TBC1D2: variants seen among roughly 807,000 people sequenced by gnomAD.
TBC1D2 encodes TBC1 domain family member 2.
Under a neutral mutation model 91.1 loss-of-function variants are expected in TBC1D2, and 58 were observed. The observed-to-expected ratio is 0.64, with a 90% CI of 0.52 to 0.79. The LOEUF is 0.79. Among genes scored for constraint, TBC1D2 ranks in the 30% least tolerant of loss-of-function variants. The probability of loss-of-function intolerance (pLI) is 0.00; values close to 1 mark genes in which losing one functional copy is unlikely to be tolerated. For missense variants in TBC1D2, 1,080 were observed against 1,208.3 expected (o/e 0.89, Z 1.57); for synonymous variants, 482 against 511.5 (o/e 0.94, Z 0.78).
At position 98,208,998 on chromosome 9, in the gene TBC1D2, G is replaced by T. The variant is rs1244353207; in HGVS notation, c.1820C>A (p.Ala607Asp). Residue 607 changes from alanine to aspartate, a missense_variant, in exon 9 of 13, where the codon GCT (alanine) becomes GAT (aspartate). Coordinates refer to ENST00000465784, the MANE Select transcript of TBC1D2 (RefSeq NM_001267571.2). Reference sequence around the variant, plus strand: ...TGAGGGCACAAGATCGCCCAGGGCAGCCCAGCGCTCCCTCAGCGGCCGATC... The same window carrying T: ...TGAGGGCACAAGATCGCCCAGGGCATCCCAGCGCTCCCTCAGCGGCCGATC... ...AVDRPLRERWAALGDLVPSAE... is the reference protein window; with the variant it reads ...AVDRPLRERWDALGDLVPSAE... The T allele has an allele frequency of 1.9e-6, 3 of 1,614,006 alleles. No homozygotes were observed. The highest frequency in any genetic ancestry group is 2.5e-6 in the Non-Finnish European group (3 of 1,180,028).
intron 3 of TBC1D2, among the ~76,000 whole-genome samples, chr9:98,236,928 ATTT>A (rs113680368): frequency 7.5e-6 from 1 of 134,120 alleles, no homozygotes; most frequent in African/African-American, 2.8e-5. Flanking sequence ...CATTACTTCC[ATTT>A]TTTTTTTTTT....
At chr9:98,222,345 G>A (rs1166264292) in intron 5 of TBC1D2, among the ~76,000 whole-genome samples, 5 of 152,122 alleles carry the variant, frequency 3.3e-5, no homozygotes, top group African/African-American at 1.2e-4. Flanking sequence ...GGGTTAAAGA[G>A]GAAATACACT....
chr9:98,209,308 G>A (rs570371276), intron 8 of TBC1D2, among the ~76,000 whole-genome samples, 164 bp from the exon 9 acceptor site: 20 of 152,214 alleles, frequency 1.3e-4, no homozygotes, highest in Admixed American at 8.5e-4. Context: ...CTCAGATTGC[G>A]AATCTGTATA....
intron 3 of TBC1D2, among the ~76,000 whole-genome samples, chr9:98,238,184 G>A (rs150092732): frequency 7.3e-6 from 1 of 136,748 alleles, no homozygotes; most frequent in African/African-American, 3.7e-5. Flanking sequence ...GATTACAGGC[G>A]TGAGCCCCTG....
At chr9:98,245,094 G>A (rs1293836730) in intron 2 of TBC1D2, among the ~76,000 whole-genome samples, 2 of 151,956 alleles carry the variant, frequency 1.3e-5, no homozygotes, top group Non-Finnish European at 1.5e-5. Context: ...CAAAAAATTA[G>A]CCAGGCATGG....
chr9:98,208,349 T>C (rs116798749), intron 9 of TBC1D2, among the ~76,000 whole-genome samples: 65 of 152,268 alleles, frequency 4.3e-4, no homozygotes, highest in African/African-American at 1.5e-3. Context: ...AATTTTTCCA[T>C]GGACTGGGGT....
intron 6 of TBC1D2, 101 bp from the exon 7 acceptor site, chr9:98,213,319 G>A: frequency 6.5e-7 from 1 of 1,534,204 alleles, no homozygotes; most frequent in South Asian, 1.2e-5. Context: ...CTTTTCCTTA[G>A]AAATTTCCAA....
rs1828745233 is a variant in TBC1D2, at chr9:98,209,138, ATACT to A, written c.1676_1679del (p.Lys559MetfsTer7). 6.2e-7 allele frequency: 1 copy of A among 1,607,052 alleles called. No homozygotes were observed. The highest frequency in any genetic ancestry group is 1.7e-5 in the Admixed American group (1 of 59,894). On this transcript the variant is annotated frameshift_variant and splice_region_variant, in exon 9 of 13. Transcript: ENST00000465784. LOFTEE classifies it high-confidence loss of function. ...GCACCGTCAGGAAGCCGTACTCATC[ATACT>A]TACTGCCAGCAAAAGTGCACGTTAG...
chr9:98,233,602 C>G, intron 3 of TBC1D2, 53 bp from the exon 4 acceptor site: 1 of 1,593,964 alleles, frequency 6.3e-7, no homozygotes, highest in African/African-American at 1.3e-5. Flanking sequence ...CCTTTCTGCC[C>G]TTCTGTCCTT....
intron 9 of TBC1D2, among the ~76,000 whole-genome samples, chr9:98,203,878 T>C (rs1828578431): frequency 6.6e-6 from 1 of 152,212 alleles, no homozygotes; most frequent in South Asian, 2.1e-4. Context: ...CACTAACCTC[T>C]CTGGGCCTTG....
In TBC1D2 at chr9:98,203,275, T is replaced by C. The variant is rs202017777; in HGVS notation, c.2271+13A>G. ...CCTACATGGCTGCAAAGTCCCCTCC[T>C]GGCCCCACTTACCTGGGATGCCGTC... On this transcript the variant is annotated intron_variant, in intron 10 of 12. Transcript: ENST00000465784. 2.2e-4 allele frequency: 352 copies of C among 1,614,124 alleles called. 1 individual carries two copies. The African/African-American group carries it at 4.2e-3, about 19-fold the overall frequency.
At chr9:98,221,505 G>T (rs924519745) in intron 5 of TBC1D2, among the ~76,000 whole-genome samples, 5 of 152,128 alleles carry the variant, frequency 3.3e-5, no homozygotes, top group African/African-American at 1.2e-4. Context: ...AAGTGAGATG[G>T]GCAGCTTCTG....
chr9:98,217,121 G>A (rs937123826), intron 6 of TBC1D2, among the ~76,000 whole-genome samples: 1 of 152,248 alleles, frequency 6.6e-6, no homozygotes, highest in Non-Finnish European at 1.5e-5. Flanking sequence ...TGGAACAGCA[G>A]TGGCAGTGGG....
At chr9:98,254,600 C>T (rs1023433379) in intron 1 of TBC1D2, among the ~76,000 whole-genome samples, 10 of 152,190 alleles carry the variant, frequency 6.6e-5, no homozygotes, top group Non-Finnish European at 1.2e-4. Flanking sequence ...AAACCTACCC[C>T]TTGCTGCTGA....
chr9:98,255,300 G>A lies in TBC1D2; in HGVS notation c.242C>T (p.Ser81Leu), dbSNP rs759714625. 3.1e-6 allele frequency: 5 copies of A among 1,614,128 alleles called. No individual in the cohort carries two copies. In the East Asian group the frequency reaches 1.1e-4, roughly 36 times the overall value. Residue 81 changes from serine to leucine, a missense_variant, in exon 1 of 13, where the codon TCG becomes TTG. Coordinates refer to ENST00000465784, the MANE Select transcript of TBC1D2 (RefSeq NM_001267571.2). ...YDERKCQLYYSRTAQDANPLD... is the reference protein window; with the variant it reads ...YDERKCQLYYLRTAQDANPLD... ...GGGATTGGCATCCTGAGCGGTCCGC[G>A]AGTAATACAGCTGACATTTCCTTTC... is the stretch of plus-strand genomic sequence containing the variant.
chr9:98,222,268 T>A (rs1035460138), intron 5 of TBC1D2, among the ~76,000 whole-genome samples: 1 of 152,204 alleles, frequency 6.6e-6, no homozygotes, highest in Non-Finnish European at 1.5e-5. Context: ...CTGCACAGCC[T>A]ACCCTAGTTG....
intron 4 of TBC1D2, among the ~76,000 whole-genome samples, chr9:98,229,630 T>A (rs1326799705): frequency 6.6e-6 from 1 of 152,264 alleles, no homozygotes; most frequent in Non-Finnish European, 1.5e-5. Flanking sequence ...TGAATGTCTG[T>A]ACTCTGCATT....
At chr9:98,244,657 C>G (rs1829725818) in intron 2 of TBC1D2, among the ~76,000 whole-genome samples, 1 of 58,114 alleles carries the variant, frequency 1.7e-5, no homozygotes, top group Admixed American at 1.9e-4. Context: ...GAAACTCCGT[C>G]TCAAAAAAAA....
chr9:98,241,781 C>T (rs574165249), intron 3 of TBC1D2, among the ~76,000 whole-genome samples: 95 of 152,270 alleles, frequency 6.2e-4, no homozygotes, highest in African/African-American at 2.2e-3. Context: ...AGGTGATCTC[C>T]TGCAGGGTGC....
Sources: allele counts gnomAD v4.1 joint callset (sites outside exome capture counted in the v4.1 genomes callset), GRCh38; gene constraint gnomAD v4.1.1; transcripts MANE v1.5; gene names NCBI Gene and HGNC (gene_info 2026-07-23, HGNC 2026-07-21).